The following STIM1 variants were observed in gnomAD, a reference collection of about 807,000 sequenced individuals.
STIM1 encodes stromal interaction molecule 1.
In STIM1, 25 loss-of-function variants were observed where a neutral mutation model predicts 74.7. The ratio of observed to expected loss-of-function variants is 0.33; its 90% CI spans 0.24 to 0.47. The LOEUF is 0.47. STIM1 is among the 20% of genes least tolerant of loss of function. The probability of loss-of-function intolerance (pLI) is 1.00; values close to 1 mark genes in which losing one functional copy is unlikely to be tolerated. For missense variants in STIM1, 728 were observed against 920.8 expected, an observed-to-expected ratio of 0.79 and a Z score of 2.71; for synonymous variants, 328 against 348.8, an observed-to-expected ratio of 0.94 and a Z score of 0.66.
chr11:4,085,606 A>G (rs2133236082), intron 11 of STIM1, among the ~76,000 whole-genome samples: 1 of 152,356 alleles, frequency 6.6e-6, no homozygotes, highest in African/African-American at 2.4e-5. Flanking sequence ...CACCTTCTCT[A>G]TCACTCTTTT....
At chr11:3,892,986 T>A in intron 1 of STIM1, 1 of 736,520 alleles carries the variant, frequency 1.4e-6, no homozygotes, top group Non-Finnish European at 2.2e-6. Context: ...CCCAGGCTGG[T>A]CTTGAACTCC....
intron 1 of STIM1, among the ~76,000 whole-genome samples, chr11:3,906,663 T>G (rs1007986436): frequency 1.3e-5 from 2 of 152,164 alleles, no homozygotes; most frequent in Admixed American, 6.6e-5. Context: ...AATTTAAATT[T>G]TGTCTAGGTG....
At chr11:3,907,523 G>A (rs1048183067) in intron 1 of STIM1, among the ~76,000 whole-genome samples, 1 of 152,102 alleles carries the variant, frequency 6.6e-6, no homozygotes, top group East Asian at 1.9e-4. Flanking sequence ...CCTGATCCAC[G>A]TTACCATCGT....
intron 4 of STIM1, among the ~76,000 whole-genome samples, 162 bp downstream of exon 4, chr11:4,055,799 G>A (rs565677810): frequency 6.6e-6 from 1 of 152,300 alleles, no homozygotes; most frequent in Non-Finnish European, 1.5e-5. Context: ...TTGCTATAAA[G>A]TATGATGGGC....
At chr11:4,014,917 A>G (rs892040086) in intron 2 of STIM1, among the ~76,000 whole-genome samples, 1 of 151,968 alleles carries the variant, frequency 6.6e-6, no homozygotes, top group East Asian at 1.9e-4. Flanking sequence ...ATCTTCCTCT[A>G]TCCCTTTATT....
intron 7 of STIM1, among the ~76,000 whole-genome samples, chr11:4,080,548 T>A (rs1057064462): frequency 1.2e-4 from 18 of 149,848 alleles, no homozygotes; most frequent in African/African-American, 4.1e-4. Flanking sequence ...CTCACTGCAG[T>A]CTTGACCTCC....
At chr11:3,913,491 G>T (rs1025131651) in intron 1 of STIM1, among the ~76,000 whole-genome samples, 12 of 152,110 alleles carry the variant, frequency 7.9e-5, no homozygotes, top group Admixed American at 5.9e-4. Flanking sequence ...CCCAGTTTAA[G>T]TTGCTTCTTG....
Position 4,071,852 on chromosome 11 carries a change from A to G in STIM1, c.791+1649A>G, listed in dbSNP as rs142128834. 2.6e-5 allele frequency among the ~76,000 whole-genome samples: 4 copies of G among 152,242 alleles called. No individual in the cohort carries two copies. The East Asian group carries it at 7.7e-4, about 29-fold the overall frequency. On this transcript the variant is annotated intron_variant, in intron 6 of 12. Transcript: ENST00000526596. ...TATATCAGTAAGTAGTGAACTAGGA[A>G]TTTTGACACTCCAGGGTGCTGCCTC... is the stretch of plus-strand genomic sequence containing the variant.
chr11:4,091,840 G>A lies in STIM1; in HGVS notation c.*42G>A, dbSNP rs201786814. The A allele has an allele frequency of 1.3e-6, 2 of 1,598,720 alleles. No individual in the cohort carries two copies. Among genetic ancestry groups the A allele is most frequent in the Non-Finnish European group, 1.7e-6 (2 of 1,179,506 alleles). ...GTAAAGGGACAGCTTGTCCTTCCCT[G>A]GGTGTTCTGTCTCTCCTTCCCTCCC... On this transcript the variant is annotated 3_prime_UTR_variant, in exon 13 of 13. Coordinates refer to ENST00000526596, the MANE Select transcript of STIM1 (RefSeq NM_001382567.1).
intron 1 of STIM1, among the ~76,000 whole-genome samples, chr11:3,875,163 G>T (rs907769505): frequency 2.6e-5 from 4 of 152,058 alleles, no homozygotes; most frequent in African/African-American, 9.7e-5. Context: ...TGTTTGTTTG[G>T]TTGGTTTTTT....
At chr11:4,007,612 C>G (rs184323821) in intron 2 of STIM1, among the ~76,000 whole-genome samples, 90 of 152,298 alleles carry the variant, frequency 5.9e-4, no homozygotes, top group African/African-American at 2.0e-3. Flanking sequence ...TATGGGAGCA[C>G]AGAAGAAGTC....
At chr11:3,911,109 A>G (rs147141585) in intron 1 of STIM1, among the ~76,000 whole-genome samples, 82 of 152,328 alleles carry the variant, frequency 5.4e-4, no homozygotes, top group African/African-American at 2.0e-3. Context: ...CAGTGGTAGC[A>G]TTGGGGAGAT....
intron 1 of STIM1, chr11:3,892,361 G>A (rs2135382422): frequency 3.2e-6 from 4 of 1,246,442 alleles, no homozygotes; most frequent in Non-Finnish European, 4.6e-6. Flanking sequence ...GGAATGGTCT[G>A]GTGGCTAAGA....
intron 1 of STIM1, among the ~76,000 whole-genome samples, chr11:3,859,374 G>A (rs992734460): frequency 2.6e-5 from 4 of 152,266 alleles, no homozygotes; most frequent in East Asian, 1.9e-4. Flanking sequence ...GTAAAGATCT[G>A]TGCCTGCCTG....
rs939658767 is a variant in STIM1 at position 3,981,037 on chromosome 11, G to A, written c.270+13355G>A. 1.4e-4 allele frequency among the ~76,000 whole-genome samples: 22 copies of A among 152,012 alleles called. 1 individual carries two copies. Among genetic ancestry groups the A allele is most frequent in the African/African-American group, 4.8e-4 (20 of 41,382 alleles). ...TTTGGAGACGGAGTCTTGTTCTGTCGCCCAGGCTGGAGTGCAGTGGTGTGA... is the reference window on the plus strand; with the variant it reads ...TTTGGAGACGGAGTCTTGTTCTGTCACCCAGGCTGGAGTGCAGTGGTGTGA... On this transcript the variant is annotated intron_variant, in intron 2 of 12. Transcript: ENST00000526596.
chr11:3,856,487 T>G, intron 1 of STIM1, 78 bp downstream of exon 1: 1 of 1,540,026 alleles, frequency 6.5e-7, no homozygotes, highest in Non-Finnish European at 8.8e-7. Flanking sequence ...CAAGTTGAAA[T>G]CTAGGTTTGT....
rs1206199429 is a variant in STIM1, at chr11:4,058,842, A to G, written c.498-439A>G. ...CATTAGCAGGTTTATATATAATGAC[A>G]GTGAGTTTAGATTAGGATAATTCAT... On this transcript the variant is annotated intron_variant, in intron 4 of 12. Transcript: ENST00000526596. 3.9e-6 allele frequency: 4 copies of G among 1,019,436 alleles called. No individual in the cohort carries two copies. The East Asian group carries it at 3.5e-4, about 88-fold the overall frequency. The allele number at this position is 1,019,436 out of a possible 1,614,324, so 63.1% of individuals were successfully genotyped here. A position where few individuals can be genotyped will look rare whatever the true frequency, so the allele number is the denominator to read the frequency against.
chr11:3,910,530 C>T (rs567863807), intron 1 of STIM1, among the ~76,000 whole-genome samples: 7 of 152,048 alleles, frequency 4.6e-5, no homozygotes, highest in Non-Finnish European at 1.0e-4. Flanking sequence ...GAGTTCAAGA[C>T]CAGCCTAGGC....
chr11:4,055,982 T>C (rs1419092836), intron 4 of STIM1, among the ~76,000 whole-genome samples: 1 of 152,208 alleles, frequency 6.6e-6, no homozygotes, highest in Admixed American at 6.5e-5. Context: ...ATATAGATGA[T>C]GAAACTGGTT....
Sources: gnomAD v4.1 joint callset for allele counts (sites outside exome capture counted in the v4.1 genomes callset) on GRCh38, gnomAD v4.1.1 for gene constraint, MANE v1.5 for transcripts, NCBI Gene and HGNC (gene_info 2026-07-23, HGNC 2026-07-21) for gene names.